Variants in CCDC178 observed in about 807,000 individuals in gnomAD.
The protein encoded by CCDC178 is coiled-coil domain containing 178.
CCDC178 carries 126 observed loss-of-function variants against 117.4 expected under a neutral mutation model. The ratio of observed to expected loss-of-function variants is 1.07; its 90% CI spans 0.93 to 1.24. CCDC178 has a LOEUF of 1.24. CCDC178 is among the 50% of genes most tolerant of loss of function. CCDC178 has a pLI of 0.00. For missense variants in CCDC178, 1,030 were observed against 986.9 expected (o/e 1.04, Z -0.59); for synonymous variants, 283 against 313.4 (o/e 0.90, Z 1.02).
chr18:33,204,932 T>C (rs1421249008), intron 20 of CCDC178, among the ~76,000 whole-genome samples: 1 of 152,004 alleles, frequency 6.6e-6, no homozygotes, highest in East Asian at 1.9e-4. Flanking sequence ...CACAATTAAT[T>C]ATGACCAGGA....
At chr18:33,373,741 TTAAA>T in intron 5 of CCDC178, among the ~76,000 whole-genome samples, 1 of 152,278 alleles carries the variant, frequency 6.6e-6, no homozygotes, top group Admixed American at 6.5e-5. Context: ...ATTAAGTGCC[TTAAA>T]TAATTATTGA....
chr18:33,201,249 C>T (rs963475100), intron 20 of CCDC178, among the ~76,000 whole-genome samples: 3 of 152,156 alleles, frequency 2.0e-5, no homozygotes, highest in South Asian at 2.1e-4. Context: ...TATTTATTTC[C>T]GGTATTTAAA....
intron 21 of CCDC178, among the ~76,000 whole-genome samples, chr18:33,057,851 T>G (rs2056857092): frequency 6.6e-6 from 1 of 152,230 alleles, no homozygotes; most frequent in Non-Finnish European, 1.5e-5. Context: ...AGAAAATGTA[T>G]TTTGTATCTA....
chr18:32,964,180 A>T (rs576306303), intron 22 of CCDC178, among the ~76,000 whole-genome samples: 1 of 152,168 alleles, frequency 6.6e-6, no homozygotes, highest in East Asian at 1.9e-4. Context: ...CATTAGCTAT[A>T]GTCAGCTTTA....
At chr18:33,017,696 A>G (rs1329408156) in intron 21 of CCDC178, among the ~76,000 whole-genome samples, 1 of 152,064 alleles carries the variant, frequency 6.6e-6, no homozygotes, top group Non-Finnish European at 1.5e-5. Context: ...ACTTGCTACA[A>G]AGTTACAAAT....
chr18:33,009,109 C>T (rs2144792190), intron 21 of CCDC178, among the ~76,000 whole-genome samples: 1 of 152,140 alleles, frequency 6.6e-6, no homozygotes, highest in Non-Finnish European at 1.5e-5. Flanking sequence ...CCTATTGGTG[C>T]TATCTTTAAA....
At chr18:33,253,814 G>C (rs1446058144) in intron 14 of CCDC178, among the ~76,000 whole-genome samples, 1 of 151,782 alleles carries the variant, frequency 6.6e-6, no homozygotes, top group Non-Finnish European at 1.5e-5. Context: ...AATCCTGATT[G>C]CTCCTTATGT....
At chr18:32,997,100 T>A (rs12959023) in intron 21 of CCDC178, among the ~76,000 whole-genome samples, 3,070 of 152,262 alleles carry the variant, frequency 0.02, 47 homozygotes, top group Non-Finnish European at 0.032. Flanking sequence ...TAAGTTATCA[T>A]CCCTGGGAAT....
chr18:33,126,227 T>C (rs955833798), intron 20 of CCDC178, among the ~76,000 whole-genome samples: 3 of 151,568 alleles, frequency 2.0e-5, no homozygotes, highest in African/African-American at 4.8e-5. Flanking sequence ...AGAATATTTA[T>C]ATATACGTAT....
At chr18:33,230,778 G>A (rs576741686) in intron 15 of CCDC178, among the ~76,000 whole-genome samples, 6 of 152,234 alleles carry the variant, frequency 3.9e-5, no homozygotes, top group African/African-American at 1.2e-4. Context: ...AAGACAGTGA[G>A]GTTGATTCTG....
At chr18:33,195,145 GAAGAAAA>G (rs1248312568) in intron 20 of CCDC178, among the ~76,000 whole-genome samples, 2 of 149,542 alleles carry the variant, frequency 1.3e-5, no homozygotes, top group Admixed American at 1.3e-4. Context: ...GAGAGAGAGA[GAAGAAAA>G]AAGAAAATTA....
At chr18:33,379,613 G>A (rs1283291428) in intron 5 of CCDC178, among the ~76,000 whole-genome samples, 6 of 152,070 alleles carry the variant, frequency 3.9e-5, no homozygotes, top group African/African-American at 1.4e-4. Flanking sequence ...CCAGAGGTGT[G>A]CCTAGACAGG....
At chr18:33,145,402 C>T (rs2058256025) in intron 20 of CCDC178, among the ~76,000 whole-genome samples, 2 of 152,162 alleles carry the variant, frequency 1.3e-5, no homozygotes, top group Admixed American at 1.3e-4. Context: ...CCACTAATTT[C>T]CCAACTTGTT....
chr18:32,986,262 T>C (rs1305934344), intron 21 of CCDC178, among the ~76,000 whole-genome samples: 3 of 152,070 alleles, frequency 2.0e-5, no homozygotes, highest in African/African-American at 7.2e-5. Flanking sequence ...TGAGTGAAAC[T>C]TGAATAGTGA....
At chr18:32,977,270 G>A (rs1598747659) in intron 21 of CCDC178, among the ~76,000 whole-genome samples, 4 of 152,120 alleles carry the variant, frequency 2.6e-5, no homozygotes, top group African/African-American at 2.4e-5. Flanking sequence ...AAGTTCAATG[G>A]CTTTTCTCTT....
intron 20 of CCDC178, among the ~76,000 whole-genome samples, chr18:33,100,514 C>T (rs2145098892): frequency 6.6e-6 from 1 of 151,880 alleles, no homozygotes; most frequent in Middle Eastern, 3.2e-3. Flanking sequence ...GGATAAAAGG[C>T]ATATCCACAT....
intron 5 of CCDC178, among the ~76,000 whole-genome samples, chr18:33,376,413 C>T (rs563565087): frequency 6.6e-6 from 1 of 152,180 alleles, no homozygotes; most frequent in Non-Finnish European, 1.5e-5. Context: ...TCCCTCTGTC[C>T]CCAATCTGTT....
chr18:33,344,615 C>T (rs1364980507), intron 9 of CCDC178, among the ~76,000 whole-genome samples: 2 of 139,900 alleles, frequency 1.4e-5, no homozygotes, highest in Admixed American at 1.5e-4. Context: ...AATTTATCAG[C>T]AAACAATTAA....
chr18:33,241,429 C>CGTGTGTGTGT (rs60878431), intron 15 of CCDC178, among the ~76,000 whole-genome samples: 48 of 145,018 alleles, frequency 3.3e-4, no homozygotes, highest in African/African-American at 1.2e-3. Context: ...ATTATATGAT[C>CGTGTGTGTGT]GTGTGTGTGT....
Sources: gnomAD v4.1 joint callset for allele counts (sites outside exome capture counted in the v4.1 genomes callset) on GRCh38, gnomAD v4.1.1 for gene constraint, MANE v1.5 for transcripts, NCBI Gene and HGNC (gene_info 2026-07-23, HGNC 2026-07-21) for gene names.